Variants in MORC3 observed in about 807,000 individuals in gnomAD.
The protein encoded by MORC3 is MORC family CW-type zinc finger 3.
Under a neutral mutation model 109.1 loss-of-function variants are expected in MORC3, and 31 were observed. The ratio of observed to expected loss-of-function variants is 0.28; its 90% confidence interval spans 0.21 to 0.38. The LOEUF (loss-of-function observed/expected upper bound fraction) is 0.38, where lower values mean the gene tolerates loss of function less well. Among genes scored for constraint, MORC3 ranks in the 10% least tolerant of loss-of-function variants. The probability of loss-of-function intolerance (pLI) is 1.00; values close to 1 mark genes in which losing one functional copy is unlikely to be tolerated. For missense variants in MORC3, 867 were observed against 1,135.8 expected, an observed-to-expected ratio of 0.76 and a Z score of 3.40; for synonymous variants, 395 against 380.7, an observed-to-expected ratio of 1.04 and a Z score of -0.44.
rs769057046 is a variant in MORC3, at chr21:36,320,243, C to T, written c.-22C>T. The T allele has an allele frequency of 1.3e-6, 2 of 1,578,664 alleles. No homozygotes were observed. The highest frequency in any genetic ancestry group is 1.7e-6 in the Non-Finnish European group (2 of 1,163,558). On this transcript the variant is annotated 5_prime_UTR_variant, in exon 1 of 17. Coordinates refer to ENST00000400485, the MANE Select transcript of MORC3 (RefSeq NM_015358.3). The stretch of plus-strand genomic sequence containing the variant: ...AGTCGGGTTGCGGCGGAGGCCGTTC[C>T]TGGCTTTGTAGCTCGCTCAAGATGG...
chr21:36,329,121 T>G (rs566910678), intron 1 of MORC3, among the ~76,000 whole-genome samples: 2 of 152,008 alleles, frequency 1.3e-5, no homozygotes, highest in South Asian at 4.2e-4. Context: ...GGTGAAATCA[T>G]GTCTCTACCA....
rs1379629086 is a variant in MORC3 at position 36,336,542 on chromosome 21, A to AT, written c.113-332_113-331insT. On this transcript the variant is annotated intron_variant, in intron 2 of 16. Transcript: ENST00000400485. ...TACAGGCGTGAGCCACCACATGCAG[A>AT]CTTAGTCCATCTTTTAATCATCTCT... Among the ~76,000 whole-genome samples the AT allele has an allele frequency of 6.6e-5, 10 of 152,096 alleles. No individual in the cohort carries two copies. In the East Asian group the frequency reaches 1.5e-3, roughly 23 times the overall value.
chr21:36,340,275 C>CT (rs2085427044), intron 5 of MORC3, among the ~76,000 whole-genome samples: 1 of 130,746 alleles, frequency 7.6e-6, no homozygotes, highest in Non-Finnish European at 1.6e-5. Context: ...GAGACTCTGT[C>CT]TCAAAAAAAA....
At chr21:36,323,435 C>T (rs2085214139) in intron 1 of MORC3, among the ~76,000 whole-genome samples, 1 of 152,144 alleles carries the variant, frequency 6.6e-6, no homozygotes, top group Admixed American at 6.6e-5. Context: ...AATAAAAGGG[C>T]TGTGCGTGCC....
chr21:36,360,591 A>G (rs2085702448), intron 12 of MORC3: 1 of 317,298 alleles, frequency 3.2e-6, no homozygotes, highest in Non-Finnish European at 5.9e-6. Context: ...GAATTTTACC[A>G]GTTACGTGTT....
At position 36,337,780 on chromosome 21, in the gene MORC3, A is replaced by G. The variant is rs375267987; in HGVS notation, c.294A>G (p.Gly98=). Residue 98 remains glycine (G), a synonymous_variant, in exon 4 of 17, where the codon GGA becomes GGG. Coordinates refer to ENST00000400485, the MANE Select transcript of MORC3 (RefSeq NM_015358.3). ...KVTMNGHVPV[G]LYGNGFKSGS... ...CCATGAATGGTCATGTCCCAGTTGG[A>G]TTATATGGGAATGGCTTCAAGTCGG... 16 of 1,613,846 alleles carry G rather than the reference A, an allele frequency of 9.9e-6. No homozygotes were observed. Among genetic ancestry groups the G allele is most frequent in the Non-Finnish European group, 1.4e-5 (16 of 1,180,004 alleles).
At position 36,360,121 on chromosome 21, in the gene MORC3, A is replaced by G. The variant is rs577176153; in HGVS notation, c.1331+44A>G. On this transcript the variant is annotated intron_variant, in intron 11 of 16. Coordinates refer to ENST00000400485, the MANE Select transcript of MORC3 (RefSeq NM_015358.3). ...TACCCTTTTTGGAAAGACGGAAAGT[A>G]CTGTTCACAGTGTATGAATAGGCGC... The G allele has an allele frequency of 9.9e-6, 16 of 1,614,116 alleles. 1 individual carries two copies. The South Asian group carries it at 1.4e-4, about 14-fold the overall frequency.
intron 8 of MORC3, chr21:36,348,291 G>A (rs111450411): frequency 1.8e-4 from 27 of 152,296 alleles, no homozygotes; most frequent in African/African-American, 3.6e-4. Flanking sequence ...TCTCACAAAC[G>A]TATGGAATAT....
intron 6 of MORC3, among the ~76,000 whole-genome samples, chr21:36,342,887 C>T (rs964720423): frequency 5.3e-5 from 8 of 151,418 alleles, no homozygotes; most frequent in Non-Finnish European, 1.0e-4. Flanking sequence ...GGCACGGTTG[C>T]GGGAGCCTGT....
intron 16 of MORC3, among the ~76,000 whole-genome samples, chr21:36,374,832 G>A (rs1941406853): frequency 6.6e-6 from 1 of 151,970 alleles, no homozygotes; most frequent in Non-Finnish European, 1.5e-5. Context: ...CACCAAGCCC[G>A]GCTAATATTT....
At chr21:36,340,405 T>C (rs1271499786) in intron 5 of MORC3, among the ~76,000 whole-genome samples, 1 of 151,996 alleles carries the variant, frequency 6.6e-6, no homozygotes, top group Non-Finnish European at 1.5e-5. Context: ...TTTGTAGCCA[T>C]ACCCACTTCC....
At chr21:36,333,614 A>ATTAAT (rs1233000374) in intron 1 of MORC3, 32 bp from the exon 2 acceptor site, 1 of 1,560,198 alleles carries the variant, frequency 6.4e-7, no homozygotes, top group African/African-American at 1.4e-5. Flanking sequence ...TAAGACCTGA[A>ATTAAT]TTAATTTACA....
rs1207127512 is a variant in MORC3, at chr21:36,364,177, C to G, written c.1537C>G (p.Leu513Val). 11 of 1,614,146 alleles carry G rather than the reference C, an allele frequency of 6.8e-6. No individual in the cohort carries two copies. Among genetic ancestry groups the G allele is most frequent in the Admixed American group, 1.7e-5 (1 of 60,004 alleles). The change falls in exon 14 of 17, where the codon CTT becomes GTT. Residue 513 changes from leucine to valine, a missense_variant. Transcript: ENST00000400485. ...TAAGGAAAGTGTTCCAAGAAGACATCTTTCAGAAGGAACAAATTCTTATGC... is the reference window on the plus strand; with the variant it reads ...TAAGGAAAGTGTTCCAAGAAGACATGTTTCAGAAGGAACAAATTCTTATGC... ...SPKESVPRRH[L>V]SEGTNSYATR...
chr21:36,345,280 G>A (rs1339117468), intron 8 of MORC3, among the ~76,000 whole-genome samples: 1 of 148,912 alleles, frequency 6.7e-6, no homozygotes, highest in Non-Finnish European at 1.5e-5. Flanking sequence ...CGGAGTCTGA[G>A]TCTTGCCCAG....
intron 2 of MORC3, among the ~76,000 whole-genome samples, chr21:36,335,243 GA>G (rs1444179065): frequency 4.6e-5 from 7 of 151,542 alleles, no homozygotes; most frequent in Non-Finnish European, 8.8e-5. Context: ...GGAATTCTTA[GA>G]TATATTTTAG....
chr21:36,331,414 C>T (rs1353974289), intron 1 of MORC3, among the ~76,000 whole-genome samples: 8 of 152,016 alleles, frequency 5.3e-5, no homozygotes, highest in African/African-American at 1.9e-4. Flanking sequence ...CTGCCTAACA[C>T]GGTGAAACCC....
At chr21:36,357,607 T>A (rs1189351639) in intron 10 of MORC3, among the ~76,000 whole-genome samples, 1 of 152,050 alleles carries the variant, frequency 6.6e-6, no homozygotes, top group Non-Finnish European at 1.5e-5. Context: ...AGAAAATTTC[T>A]GCTAGTATTT....
At position 36,356,733 on chromosome 21, in the gene MORC3, A is replaced by T; in HGVS notation, c.1208+9A>T. 1 of 1,477,910 alleles carries T rather than the reference A, an allele frequency of 6.8e-7. No homozygotes were observed. 91.5% of individuals were successfully genotyped at this position (1,477,910 alleles called of 1,614,324 possible). A position where few individuals can be genotyped will look rare whatever the true frequency, so the allele number is the denominator to read the frequency against. On this transcript the variant is annotated intron_variant, in intron 10 of 16. Transcript: ENST00000400485. ...CCAGTTGAAGATATACAGTAAGTAC[A>T]TTTTTAAAACATATCATTTCACTTA...
In MORC3 at chr21:36,369,505, T is replaced by C; in HGVS notation, c.2137T>C (p.Tyr713His). ...CCTTGTCACTGAGGAAAAAGAGAATTATAAAAGACAGTGTCATATGTTTAC... is the reference window on the plus strand; with the variant it reads ...CCTTGTCACTGAGGAAAAAGAGAATCATAAAAGACAGTGTCATATGTTTAC... ...LLLVTEEKENYKRQCHMFTDQ... is the reference protein window; with the variant it reads ...LLLVTEEKENHKRQCHMFTDQ... Residue 713 changes from tyrosine to histidine, a missense_variant, in exon 15 of 17, where the codon TAT becomes CAT. Coordinates refer to ENST00000400485, the MANE Select transcript of MORC3 (RefSeq NM_015358.3). 6.2e-7 allele frequency: 1 copy of C among 1,614,064 alleles called. No homozygotes were observed. The highest frequency in any genetic ancestry group is 1.1e-5 in the South Asian group (1 of 91,074).
Sources: gnomAD v4.1 joint callset for allele counts (sites outside exome capture counted in the v4.1 genomes callset) on GRCh38, gnomAD v4.1.1 for gene constraint, MANE v1.5 for transcripts, NCBI Gene and HGNC (gene_info 2026-07-23, HGNC 2026-07-21) for gene names.